The following LRRC51 variants were observed in gnomAD, a reference collection of about 807,000 sequenced individuals.
The protein encoded by LRRC51 is leucine-rich repeat-containing protein 51.
LRRC51 carries 8 observed loss-of-function variants against 17.8 expected under a neutral mutation model. That is an observed-to-expected ratio of 0.45 (90% CI 0.26 to 0.81). The LOEUF (loss-of-function observed/expected upper bound fraction) is 0.81. Among genes scored for constraint, LRRC51 ranks in the 30% least tolerant of loss-of-function variants. LRRC51 has a pLI of 0.17. For missense variants in LRRC51, 233 were observed against 239.3 expected (o/e 0.97, Z 0.17); for synonymous variants, 92 against 96.0 (o/e 0.96, Z 0.24).
At chr11:72,088,539 TGA>T (rs1049123343) in intron 2 of LRRC51, 159 bp downstream of exon 2, 2 of 642,414 alleles carry the variant, frequency 3.1e-6, no homozygotes, top group Non-Finnish European at 5.7e-6. Flanking sequence ...TGGGCCAGAC[TGA>T]GAGGGGTGGT....
chr11:72,087,438 T>G (rs1944604163), intron 1 of LRRC51, among the ~76,000 whole-genome samples: 1 of 151,996 alleles, frequency 6.6e-6, no homozygotes, highest in Non-Finnish European at 1.5e-5. Context: ...GCCTCCCGAG[T>G]AATAAATTCC....
chr11:72,093,458 A>G (rs771690991), intron 3 of LRRC51, 38 bp from the exon 4 acceptor site: 2 of 1,575,768 alleles, frequency 1.3e-6, no homozygotes, highest in East Asian at 2.3e-5. Flanking sequence ...AAGCCAAAAA[A>G]GCAAAGATGA....
chr11:72,087,282 A>G (rs1944587213), intron 1 of LRRC51, among the ~76,000 whole-genome samples: 1 of 131,514 alleles, frequency 7.6e-6, no homozygotes, highest in South Asian at 2.4e-4. Flanking sequence ...TTTTTAACAG[A>G]AATTCTTTTT....
intron 4 of LRRC51, chr11:72,094,369 C>A: frequency 3.3e-6 from 1 of 301,036 alleles, no homozygotes; most frequent in Non-Finnish European, 6.1e-6. Flanking sequence ...CTAACTGTCA[C>A]TGCGCACCCA....
At chr11:72,087,323 C>G (rs1591139881) in intron 1 of LRRC51, among the ~76,000 whole-genome samples, 1 of 132,870 alleles carries the variant, frequency 7.5e-6, no homozygotes, top group African/African-American at 2.9e-5. Flanking sequence ...TTTCCTGAGA[C>G]AGGGTCTACA....
chr11:72,096,562 A>G lies in LRRC51; in HGVS notation c.*1042A>G, dbSNP rs1057369065. 7.1e-5 allele frequency: 97 copies of G among 1,357,092 alleles called. No homozygotes were observed. Among genetic ancestry groups the G allele is most frequent in the Middle Eastern group, 2.6e-4 (1 of 3,800 alleles). 84.1% of individuals were successfully genotyped at this position (1,357,092 alleles called of 1,614,324 possible). A position where few individuals can be genotyped will look rare whatever the true frequency, so the allele number is the denominator to read the frequency against. On this transcript the variant is annotated 3_prime_UTR_variant, in exon 6 of 6. Transcript: ENST00000289488. Reference sequence around the variant, plus strand: ...AGCTCTAGTCTTATTTTGCTGAAAAAGGGAGGCAATTGAGGGAAAGGCCTG... The same window carrying G: ...AGCTCTAGTCTTATTTTGCTGAAAAGGGGAGGCAATTGAGGGAAAGGCCTG...
In LRRC51 at chr11:72,096,564, G is replaced by A; in HGVS notation, c.*1044G>A. On this transcript the variant is annotated 3_prime_UTR_variant, in exon 6 of 6. Coordinates refer to ENST00000289488, the MANE Select transcript of LRRC51 (RefSeq NM_145309.6). ...CTCTAGTCTTATTTTGCTGAAAAAGGGAGGCAATTGAGGGAAAGGCCTGCT... is the reference window on the plus strand; with the variant it reads ...CTCTAGTCTTATTTTGCTGAAAAAGAGAGGCAATTGAGGGAAAGGCCTGCT... The A allele has an allele frequency of 7.3e-7, 1 of 1,370,012 alleles. No individual in the cohort carries two copies. The highest frequency in any genetic ancestry group is 1.8e-5 in the South Asian group (1 of 54,118). 84.9% of individuals were successfully genotyped at this position (1,370,012 alleles called of 1,614,324 possible).
rs372833861 is a variant in LRRC51 at position 72,093,007 on chromosome 11, G to A, written c.83-489G>A. ...TATTATTCATACAAAGTCTGGAACA[G>A]ACTGTCTCTCATTTTGTTTATCACT... On this transcript the variant is annotated intron_variant, in intron 3 of 5. Transcript: ENST00000289488. Among the ~76,000 whole-genome samples the A allele has an allele frequency of 2.0e-5, 3 of 152,224 alleles. No homozygotes were observed. The East Asian group carries it at 5.8e-4, about 29-fold the overall frequency.
At chr11:72,094,373 G>A (rs1488260140) in intron 4 of LRRC51, 7 of 307,038 alleles carry the variant, frequency 2.3e-5, no homozygotes, top group East Asian at 1.3e-4. Context: ...CTGTCACTGC[G>A]CACCCACTGT....
intron 1 of LRRC51, among the ~76,000 whole-genome samples, chr11:72,087,622 T>C (rs1188626848): frequency 6.6e-6 from 1 of 152,230 alleles, no homozygotes; most frequent in Non-Finnish European, 1.5e-5. Flanking sequence ...CTTCCTGTAA[T>C]CTAGTTTCTG....
In LRRC51 at chr11:72,095,017, G is replaced by A. The variant is rs2136541599; in HGVS notation, c.358G>A (p.Val120Met). Residue 120 changes from valine (V) to methionine (M), a missense_variant, in exon 5 of 6, where the codon GTG (valine) becomes ATG (methionine). By Grantham distance (21) the Val-to-Met change is conservative (BLOSUM62 1). Transcript: ENST00000289488. ...HGNSIQRLGE[V>M]NKLAVLPRLR... ...CAACAGCATCCAGCGCCTGGGGGAG[G>A]TGAATAAGCTGGCTGTCCTTCCTCG... 6.2e-7 allele frequency: 1 copy of A among 1,614,064 alleles called. No homozygotes were observed.
At chr11:72,091,694 T>G (rs750099752) in intron 3 of LRRC51, among the ~76,000 whole-genome samples, 17 of 152,206 alleles carry the variant, frequency 1.1e-4, no homozygotes, top group Non-Finnish European at 2.5e-4. Context: ...TTCCCTATTC[T>G]CTCTCCTCCT....
Position 72,089,184 on chromosome 11 carries a change from G to A in LRRC51, c.82+19G>A, listed in dbSNP as rs763668681. On this transcript the variant is annotated intron_variant, in intron 3 of 5. Transcript: ENST00000289488. ...ATTCAAGGTCAGCCCCCAGAGCACA[G>A]TACTCCACTCACTAAGGCAGCAGGC... The A allele has an allele frequency of 1.2e-5, 20 of 1,614,122 alleles. No homozygotes were observed. Among genetic ancestry groups the A allele is most frequent in the Non-Finnish European group, 1.7e-5 (20 of 1,179,996 alleles).
intron 1 of LRRC51, among the ~76,000 whole-genome samples, chr11:72,084,096 G>A (rs1319172557): frequency 6.6e-6 from 1 of 152,162 alleles, no homozygotes; most frequent in Non-Finnish European, 1.5e-5. Flanking sequence ...TCCTGGGCTT[G>A]AGCCATACTC....
chr11:72,089,575 G>A (rs1944740299), intron 3 of LRRC51: 1 of 1,196,624 alleles, frequency 8.4e-7, no homozygotes, highest in Admixed American at 3.7e-5. Flanking sequence ...GGAAAACACA[G>A]GCTCCTGTGG....
At chr11:72,086,316 G>T in intron 1 of LRRC51, 1 of 677,326 alleles carries the variant, frequency 1.5e-6, no homozygotes, top group South Asian at 1.6e-5. Flanking sequence ...GCTCATGACA[G>T]GGTTCTATTA....
In LRRC51 at chr11:72,096,891, A is replaced by G. The variant is rs1384155232; in HGVS notation, c.*1371A>G. On this transcript the variant is annotated 3_prime_UTR_variant, in exon 6 of 6. Coordinates refer to ENST00000289488, the MANE Select transcript of LRRC51 (RefSeq NM_145309.6). ...ATTTGATAAAAAGAATCTTCTGCTT[A>G]AAAACATTTGCTTGCTGACTCCATA... 6 of 1,267,652 alleles carry G rather than the reference A, an allele frequency of 4.7e-6. No homozygotes were observed. In the East Asian group the frequency reaches 1.6e-4, roughly 33 times the overall value. The allele number at this position is 1,267,652 out of a possible 1,614,324, so 78.5% of individuals were successfully genotyped here.
chr11:72,084,203 T>C (rs1302245998), intron 1 of LRRC51, among the ~76,000 whole-genome samples: 1 of 152,138 alleles, frequency 6.6e-6, no homozygotes, highest in Non-Finnish European at 1.5e-5. Flanking sequence ...TGATTTTTTT[T>C]CCACCATCAG....
At position 72,089,046 on chromosome 11, in the gene LRRC51, A is replaced by G; in HGVS notation, c.-38A>G. 7 of 1,612,512 alleles carry G rather than the reference A, an allele frequency of 4.3e-6. No homozygotes were observed. Among genetic ancestry groups the G allele is most frequent in the East Asian group, 2.2e-5 (1 of 44,872 alleles). On this transcript the variant is annotated 5_prime_UTR_variant, in exon 3 of 6. Coordinates refer to ENST00000289488, the MANE Select transcript of LRRC51 (RefSeq NM_145309.6). ...CCTCCCAGGCTGAACCCAGACTCCC[A>G]GGGCACCTGCTTGCACCTTTGAATG...
Sources: gnomAD v4.1 joint callset for allele counts (sites outside exome capture counted in the v4.1 genomes callset) on GRCh38, gnomAD v4.1.1 for gene constraint, MANE v1.5 for transcripts, NCBI Gene and HGNC (gene_info 2026-07-23, HGNC 2026-07-21) for gene names.